The following PPARGC1A variants were observed in gnomAD, a reference collection of about 807,000 sequenced individuals.
PPARGC1A encodes peroxisome proliferator-activated receptor gamma coactivator 1-alpha.
In PPARGC1A, 25 loss-of-function variants were observed where a neutral mutation model predicts 88.7. The ratio of observed to expected loss-of-function variants is 0.28; its 90% confidence interval spans 0.21 to 0.39. The LOEUF (loss-of-function observed/expected upper bound fraction) is 0.39. Ranked by LOEUF, PPARGC1A falls within the 10% of genes least tolerant of loss-of-function variation. The pLI, the probability that PPARGC1A is intolerant of heterozygous loss-of-function variation, is 1.00. For missense variants in PPARGC1A, 880 were observed against 968.7 expected (o/e 0.91, Z 1.22); for synonymous variants, 363 against 355.6 (o/e 1.02, Z -0.24).
chr4:24,170,669 C>A, the PPARGC1A span, among the ~76,000 whole-genome samples: 1 of 152,144 alleles, frequency 6.6e-6, no homozygotes, highest in Non-Finnish European at 1.5e-5. Context: ...CTCAGACATT[C>A]CATCCATTTG....
chr4:24,395,596 A>G, the PPARGC1A span, among the ~76,000 whole-genome samples: 3 of 152,244 alleles, frequency 2.0e-5, no homozygotes, highest in South Asian at 6.2e-4. Context: ...ATCTATCTCC[A>G]TGCTACTGTG....
At chr4:24,278,899 C>T in the PPARGC1A span, among the ~76,000 whole-genome samples, 14 of 152,186 alleles carry the variant, frequency 9.2e-5, no homozygotes, top group Non-Finnish European at 1.9e-4. Context: ...ACACTCTCCC[C>T]TAGGTCACTC....
At chr4:24,336,874 G>A in the PPARGC1A span, among the ~76,000 whole-genome samples, 1 of 151,994 alleles carries the variant, frequency 6.6e-6, no homozygotes, top group Admixed American at 6.6e-5. Context: ...GCCATCCTGG[G>A]CAACATAGCA....
chr4:24,107,526 T>C, the PPARGC1A span, among the ~76,000 whole-genome samples: 1 of 152,254 alleles, frequency 6.6e-6, no homozygotes, highest in African/African-American at 2.4e-5. Context: ...TCTTTTCTCT[T>C]TCACATCTTC....
the PPARGC1A span, among the ~76,000 whole-genome samples, chr4:24,225,291 T>C: frequency 3.0e-4 from 45 of 152,058 alleles, no homozygotes; most frequent in African/African-American, 8.9e-4. Context: ...TGACTAGGGC[T>C]GGGCACGGTG....
chr4:24,256,490 G>C, the PPARGC1A span, among the ~76,000 whole-genome samples: 2 of 152,100 alleles, frequency 1.3e-5, no homozygotes, highest in Non-Finnish European at 2.9e-5. Flanking sequence ...ATCACCCTTC[G>C]TATCTCAATA....
chr4:24,426,405 A>G, the PPARGC1A span, among the ~76,000 whole-genome samples: 2 of 152,358 alleles, frequency 1.3e-5, no homozygotes, highest in Non-Finnish European at 2.9e-5. Flanking sequence ...CCTTGACAGC[A>G]TACGAACAAA....
chr4:23,832,942 G>A (rs1725311947), intron 2 of PPARGC1A, among the ~76,000 whole-genome samples: 1 of 151,994 alleles, frequency 6.6e-6, no homozygotes, highest in South Asian at 2.1e-4. Context: ...AGTGGCTCCT[G>A]CAAATATATT....
chr4:24,064,698 G>A, the PPARGC1A span, among the ~76,000 whole-genome samples: 74 of 152,118 alleles, frequency 4.9e-4, no homozygotes, highest in East Asian at 0.014. Context: ...AACACCCTCT[G>A]CACCATCCTT....
At chr4:23,941,156 A>G in the PPARGC1A span, among the ~76,000 whole-genome samples, 2 of 152,126 alleles carry the variant, frequency 1.3e-5, no homozygotes, top group African/African-American at 2.4e-5. Context: ...CTCTCAAGCC[A>G]TCCTCCCACC....
At chr4:24,143,133 C>T in the PPARGC1A span, among the ~76,000 whole-genome samples, 5 of 152,130 alleles carry the variant, frequency 3.3e-5, no homozygotes, top group Non-Finnish European at 7.3e-5. Flanking sequence ...ATGTTAACAG[C>T]AGTTATTTGG....
At chr4:24,109,461 T>C in the PPARGC1A span, among the ~76,000 whole-genome samples, 1 of 152,178 alleles carries the variant, frequency 6.6e-6, no homozygotes, top group Non-Finnish European at 1.5e-5. Context: ...CTCTAGCATC[T>C]ACCATAATAT....
At chr4:24,149,423 T>A in the PPARGC1A span, among the ~76,000 whole-genome samples, 50 of 151,350 alleles carry the variant, frequency 3.3e-4, no homozygotes, top group South Asian at 2.1e-3. Context: ...AAAAAAAAAA[T>A]AAGTTGGCAG....
the PPARGC1A span, among the ~76,000 whole-genome samples, chr4:24,084,804 A>T: frequency 6.6e-6 from 1 of 152,230 alleles, no homozygotes; most frequent in Admixed American, 6.5e-5. Context: ...ACAAAAAATT[A>T]CAACCAGCTA....
At chr4:24,428,809 T>A in the PPARGC1A span, among the ~76,000 whole-genome samples, 2 of 152,194 alleles carry the variant, frequency 1.3e-5, no homozygotes. Context: ...ATTCCCAGAC[T>A]GAAAAAATGA....
chr4:24,208,480 A>C, the PPARGC1A span, among the ~76,000 whole-genome samples: 2 of 152,112 alleles, frequency 1.3e-5, no homozygotes. Context: ...TGTGATAGTA[A>C]AACAGACCAA....
the PPARGC1A span, among the ~76,000 whole-genome samples, chr4:24,086,847 T>A: frequency 1.3e-5 from 2 of 152,334 alleles, no homozygotes; most frequent in African/African-American, 4.8e-5. Context: ...TTAATCTCCA[T>A]GACAATCTCA....
intron 7 of PPARGC1A, among the ~76,000 whole-genome samples, chr4:23,823,876 T>C (rs552676393): frequency 2.0e-5 from 3 of 152,112 alleles, no homozygotes; most frequent in African/African-American, 4.8e-5. Flanking sequence ...GTAGGCACCA[T>C]AGTTCTGGTT....
the PPARGC1A span, among the ~76,000 whole-genome samples, chr4:24,196,352 G>A: frequency 2.0e-5 from 3 of 152,220 alleles, no homozygotes; most frequent in African/African-American, 7.2e-5. Context: ...ACCTTTTATT[G>A]GAGAGCCTTG....
Sources: allele counts gnomAD v4.1 joint callset (sites outside exome capture counted in the v4.1 genomes callset), GRCh38; gene constraint gnomAD v4.1.1; transcripts MANE v1.5; gene names NCBI Gene and HGNC (gene_info 2026-07-23, HGNC 2026-07-21).